Variants in COX7B2 observed in about 807,000 individuals in gnomAD.
The protein encoded by COX7B2 is cytochrome c oxidase subunit 7B2, mitochondrial.
For missense variants in COX7B2, 109 were observed against 95.9 expected, an observed-to-expected ratio of 1.14 and a Z score of -0.57; for synonymous variants, 37 against 32.1, an observed-to-expected ratio of 1.15 and a Z score of -0.51.
intron 1 of COX7B2, among the ~76,000 whole-genome samples, chr4:46,884,640 A>G (rs552326707): frequency 6.6e-6 from 1 of 152,322 alleles, no homozygotes; most frequent in Non-Finnish European, 1.5e-5. Context: ...AGGGAGGAAT[A>G]CTGTCATATT....
chr4:46,782,329 T>G (rs1035916551), intron 2 of COX7B2, among the ~76,000 whole-genome samples: 1 of 152,100 alleles, frequency 6.6e-6, no homozygotes, highest in African/African-American at 2.4e-5. Flanking sequence ...CAGCACTCTG[T>G]GTCTAGCTCA....
At chr4:46,864,070 C>G (rs1450941323) in intron 1 of COX7B2, among the ~76,000 whole-genome samples, 4 of 152,130 alleles carry the variant, frequency 2.6e-5, no homozygotes, top group African/African-American at 4.8e-5. Flanking sequence ...AAATAAAGCA[C>G]TGCCCTTTCC....
rs144239587 is a variant in COX7B2 at position 46,848,549 on chromosome 4, G to A, written c.-104-3535C>T. 4.5e-3 allele frequency among the ~76,000 whole-genome samples: 679 copies of A among 152,066 alleles called. 6 individuals are homozygous for A. The highest frequency in any genetic ancestry group is 0.016 in the African/African-American group (658 of 41,508). On this transcript the variant is annotated intron_variant, in intron 1 of 2. Transcript: ENST00000355591. Reference sequence around the variant, plus strand: ...TTTAATCTATATTTATCTATAGGGAGCATACTATTTTCCCATAACTCTTTG... The same window carrying A: ...TTTAATCTATATTTATCTATAGGGAACATACTATTTTCCCATAACTCTTTG...
intron 1 of COX7B2, among the ~76,000 whole-genome samples, chr4:46,890,796 T>C (rs1719386022): frequency 6.6e-6 from 1 of 152,180 alleles, no homozygotes; most frequent in Admixed American, 6.5e-5. Flanking sequence ...TGGGGACAGC[T>C]AATGGAGTGC....
chr4:46,761,554 A>G (rs933711943), intron 2 of COX7B2, among the ~76,000 whole-genome samples: 1 of 152,124 alleles, frequency 6.6e-6, no homozygotes, highest in Admixed American at 6.6e-5. Context: ...CTGAGGAAGT[A>G]TAAGATAAGA....
chr4:46,884,808 A>G (rs1193338189), intron 1 of COX7B2, among the ~76,000 whole-genome samples: 2 of 151,380 alleles, frequency 1.3e-5, no homozygotes, highest in Non-Finnish European at 1.5e-5. Flanking sequence ...CTGTCAAATT[A>G]CTTTCAACTT....
chr4:46,863,978 T>C (rs1259836639), intron 1 of COX7B2, among the ~76,000 whole-genome samples: 1 of 152,180 alleles, frequency 6.6e-6, no homozygotes, highest in East Asian at 1.9e-4. Flanking sequence ...CAGGTCATGA[T>C]GGGAAACAGG....
chr4:46,802,849 T>C (rs1718730386), intron 2 of COX7B2, among the ~76,000 whole-genome samples: 1 of 152,152 alleles, frequency 6.6e-6, no homozygotes, highest in African/African-American at 2.4e-5. Flanking sequence ...TAGGGATTCA[T>C]GAGGTGAAAA....
At chr4:46,902,553 C>T (rs1322977224) in intron 1 of COX7B2, among the ~76,000 whole-genome samples, 1 of 152,216 alleles carries the variant, frequency 6.6e-6, no homozygotes, top group African/African-American at 2.4e-5. Context: ...GAGTCACCTA[C>T]ACCATCTATG....
intron 2 of COX7B2, among the ~76,000 whole-genome samples, chr4:46,735,723 C>A (rs2109384111): frequency 1.3e-5 from 2 of 152,244 alleles, no homozygotes; most frequent in South Asian, 4.1e-4. Context: ...TGAAATTCCG[C>A]TCTAAGAGTT....
intron 2 of COX7B2, among the ~76,000 whole-genome samples, chr4:46,837,480 TA>T (rs765952406): frequency 3.9e-5 from 6 of 152,048 alleles, no homozygotes; most frequent in Non-Finnish European, 7.4e-5. Flanking sequence ...TCATAGTGAC[TA>T]AAAGCACATT....
intron 1 of COX7B2, among the ~76,000 whole-genome samples, chr4:46,884,220 T>G (rs1179957332): frequency 6.6e-6 from 1 of 152,092 alleles, no homozygotes; most frequent in Non-Finnish European, 1.5e-5. Context: ...AAGCAATGTT[T>G]CACTTTGTAG....
chr4:46,749,589 G>A (rs10009346), intron 2 of COX7B2, among the ~76,000 whole-genome samples: 49,555 of 151,818 alleles, frequency 0.33, 8,286 homozygotes, highest in South Asian at 0.47. Context: ...TGTAAGGATT[G>A]TTAGTTTGCA....
At chr4:46,803,723 G>GT (rs1718794220) in intron 2 of COX7B2, among the ~76,000 whole-genome samples, 1 of 139,868 alleles carries the variant, frequency 7.1e-6, no homozygotes. Flanking sequence ...ATTAAGCCTG[G>GT]TTTACTTTCT....
chr4:46,898,162 C>G (rs1052179265), intron 1 of COX7B2, among the ~76,000 whole-genome samples: 2 of 152,158 alleles, frequency 1.3e-5, no homozygotes, highest in African/African-American at 4.8e-5. Context: ...TAGTCATTGG[C>G]CATATCTAAA....
intron 1 of COX7B2, among the ~76,000 whole-genome samples, chr4:46,890,717 C>T (rs1364704950): frequency 1.3e-5 from 2 of 152,148 alleles, no homozygotes; most frequent in Admixed American, 6.5e-5. Flanking sequence ...AGTGCAAAAA[C>T]TCTGAAGGAG....
At chr4:46,736,795 T>A (rs1430868273) in intron 2 of COX7B2, among the ~76,000 whole-genome samples, 3 of 152,172 alleles carry the variant, frequency 2.0e-5, no homozygotes, top group Non-Finnish European at 4.4e-5. Context: ...AGAGTGCATT[T>A]CTTTTTAGTG....
At chr4:46,892,188 G>A (rs539473525) in intron 1 of COX7B2, among the ~76,000 whole-genome samples, 50 of 152,174 alleles carry the variant, frequency 3.3e-4, no homozygotes, top group Admixed American at 2.0e-3. Flanking sequence ...ATTAACTACC[G>A]GGGCCACTGG....
intron 2 of COX7B2, among the ~76,000 whole-genome samples, chr4:46,791,493 G>A (rs370908702): frequency 3.2e-4 from 49 of 152,264 alleles, no homozygotes; most frequent in African/African-American, 1.1e-3. Flanking sequence ...GGTAAATAAC[G>A]TTGAGAGCTT....
Sources: gnomAD v4.1 joint callset for allele counts (sites outside exome capture counted in the v4.1 genomes callset) on GRCh38, gnomAD v4.1.1 for gene constraint, MANE v1.5 for transcripts, NCBI Gene and HGNC (gene_info 2026-07-23, HGNC 2026-07-21) for gene names.